Variants in CMIP observed in about 807,000 individuals in gnomAD.
CMIP encodes the protein C-Maf-inducing protein.
In CMIP, 13 loss-of-function variants were observed where a neutral mutation model predicts 97.3. The ratio of observed to expected loss-of-function variants is 0.13; its 90% confidence interval spans 0.09 to 0.21. The LOEUF (loss-of-function observed/expected upper bound fraction) is 0.21, where lower values mean the gene tolerates loss of function less well. Ranked by LOEUF, CMIP falls within the 10% of genes least tolerant of loss-of-function variation. CMIP has a pLI of 1.00. For missense variants in CMIP, 847 were observed against 1,024.9 expected (o/e 0.83, Z 2.37); for synonymous variants, 538 against 436.3 (o/e 1.23, Z -2.91).
chr16:81,577,367 A>C (rs1298310602), intron 1 of CMIP, among the ~76,000 whole-genome samples: 269 of 90,044 alleles, frequency 3.0e-3, no homozygotes, highest in Middle Eastern at 0.014. Flanking sequence ...CCACCATCAT[A>C]ACCATCACCT....
At chr16:81,493,751 A>G (rs1403656879) in intron 1 of CMIP, among the ~76,000 whole-genome samples, 1 of 152,256 alleles carries the variant, frequency 6.6e-6, no homozygotes, top group Non-Finnish European at 1.5e-5. Context: ...AGCAACACGC[A>G]CGTCGCAGAA....
At position 81,698,433 on chromosome 16, in the gene CMIP, C is replaced by T. The variant is rs150851871; in HGVS notation, c.1639-1252C>T. On this transcript the variant is annotated intron_variant, in intron 14 of 20. Transcript: ENST00000537098. ...CAGGCAGTCTCCCAAAACACCCTTC[C>T]GAGCTCACAGCGGGCTTGGCAGAGG... is the stretch of plus-strand genomic sequence containing the variant. Among the ~76,000 whole-genome samples the T allele has an allele frequency of 3.8e-3, 572 of 152,294 alleles. 1 individual carries two copies. Among genetic ancestry groups the T allele is most frequent in the African/African-American group, 0.013 (533 of 41,566 alleles).
intron 7 of CMIP, chr16:81,665,942 G>A (rs1029690938): frequency 3.3e-5 from 5 of 152,166 alleles, no homozygotes; most frequent in African/African-American, 9.7e-5. Context: ...TACCCTAAGC[G>A]ATTGCAAACT....
At chr16:81,578,418 A>C (rs74402264) in intron 1 of CMIP, among the ~76,000 whole-genome samples, 12 of 152,220 alleles carry the variant, frequency 7.9e-5, no homozygotes, top group Admixed American at 7.9e-4. Flanking sequence ...GCCCTGAGCT[A>C]TGTGAGTGCT....
intron 1 of CMIP, among the ~76,000 whole-genome samples, chr16:81,512,762 A>C (rs2089838067): frequency 6.6e-6 from 1 of 151,956 alleles, no homozygotes; most frequent in Admixed American, 6.6e-5. Flanking sequence ...TTTGAGACAG[A>C]GTCTTACTCT....
In CMIP at chr16:81,680,055, TG is replaced by T. The variant is rs1248711981; in HGVS notation, c.1388+1429del. Reference sequence around the variant, plus strand: ...TTCAGATGCAGCTGCATGTGGTTGCTGGACCTTTCGGAGGGGTTCGGGGTAT... The same window carrying T: ...TTCAGATGCAGCTGCATGTGGTTGCTGACCTTTCGGAGGGGTTCGGGGTAT... On this transcript the variant is annotated intron_variant, in intron 10 of 20. Coordinates refer to ENST00000537098, the MANE Select transcript of CMIP (RefSeq NM_198390.3). 2.6e-5 allele frequency among the ~76,000 whole-genome samples: 4 copies of T among 152,222 alleles called. No homozygotes were observed. The South Asian group carries it at 6.2e-4, about 24-fold the overall frequency.
At chr16:81,511,886 G>T (rs952555894) in intron 1 of CMIP, among the ~76,000 whole-genome samples, 7 of 152,098 alleles carry the variant, frequency 4.6e-5, no homozygotes, top group African/African-American at 1.7e-4. Flanking sequence ...GACCTGTGCT[G>T]TCCAATACCA....
At chr16:81,451,185 C>T (rs1240492312) in intron 1 of CMIP, among the ~76,000 whole-genome samples, 1 of 152,118 alleles carries the variant, frequency 6.6e-6, no homozygotes, top group East Asian at 1.9e-4. Flanking sequence ...GTGGGAGGGA[C>T]CCAGTGGGAG....
chr16:81,620,650 G>A (rs764069329), intron 2 of CMIP: 4 of 515,516 alleles, frequency 7.8e-6, no homozygotes, highest in East Asian at 3.4e-5. Context: ...GGAAGCACAC[G>A]GTGCTAGTGA....
chr16:81,480,465 G>T (rs113410801), intron 1 of CMIP, among the ~76,000 whole-genome samples: 1 of 152,116 alleles, frequency 6.6e-6, no homozygotes. Flanking sequence ...GCTTGAACCC[G>T]AGAGGCAGAG....
chr16:81,469,094 G>A (rs368943986), intron 1 of CMIP, among the ~76,000 whole-genome samples: 2 of 152,268 alleles, frequency 1.3e-5, no homozygotes, highest in Non-Finnish European at 1.5e-5. Context: ...GAGCTGATCA[G>A]GAGTGTGGGG....
At chr16:81,669,492 C>T (rs1026334020) in intron 7 of CMIP, among the ~76,000 whole-genome samples, 1 of 142,066 alleles carries the variant, frequency 7.0e-6, no homozygotes, top group Non-Finnish European at 1.5e-5. Flanking sequence ...TCTCTCACCT[C>T]CTTCCACATC....
rs953813203 is a variant in CMIP, at chr16:81,655,100, C to T, written c.640-2675C>T. Among the ~76,000 whole-genome samples, 2 of 152,184 alleles carry T rather than the reference C, an allele frequency of 1.3e-5. No homozygotes were observed. Among genetic ancestry groups the T allele is most frequent in the African/African-American group, 4.8e-5 (2 of 41,448 alleles). The stretch of plus-strand genomic sequence containing the variant: ...ACTTGCAAGGGCCTTTGATACATGG[C>T]CACATTTTCATTGTCATAGGAGATG... On this transcript the variant is annotated intron_variant, in intron 4 of 20. Coordinates refer to ENST00000537098, the MANE Select transcript of CMIP (RefSeq NM_198390.3). This position sits in a 1 kb window ranked among gnomAD's most constrained non-coding sequence, Gnocchi z 4.9.
chr16:81,605,410 C>T (rs1482187320), intron 1 of CMIP, among the ~76,000 whole-genome samples: 1 of 151,544 alleles, frequency 6.6e-6, no homozygotes, highest in African/African-American at 2.4e-5. Flanking sequence ...TCACCTGGAC[C>T]TGTGCAGCAG....
At chr16:81,523,986 T>A (rs1343458938) in intron 1 of CMIP, among the ~76,000 whole-genome samples, 2 of 152,198 alleles carry the variant, frequency 1.3e-5, no homozygotes, top group African/African-American at 2.4e-5. Context: ...CCTGTACGTG[T>A]GTATGTGTGC....
chr16:81,543,115 G>A (rs2090479453), intron 1 of CMIP, among the ~76,000 whole-genome samples: 1 of 152,234 alleles, frequency 6.6e-6, no homozygotes. Flanking sequence ...GGCACTGTGT[G>A]TCACTGCTTT....
At chr16:81,651,003 A>G (rs142790489) in intron 3 of CMIP, among the ~76,000 whole-genome samples, 2 of 152,262 alleles carry the variant, frequency 1.3e-5, no homozygotes, top group African/African-American at 4.8e-5. Flanking sequence ...TTCCTAGCTC[A>G]GAAACTCAGC....
At chr16:81,592,636 A>C (rs2091483505) in intron 1 of CMIP, among the ~76,000 whole-genome samples, 1 of 152,134 alleles carries the variant, frequency 6.6e-6, no homozygotes, top group Non-Finnish European at 1.5e-5. Context: ...GCAAGGCAGG[A>C]CTCAAAACAA....
intron 17 of CMIP, among the ~76,000 whole-genome samples, chr16:81,703,405 G>A (rs1188230035): frequency 6.6e-6 from 1 of 152,014 alleles, no homozygotes; most frequent in Non-Finnish European, 1.5e-5. Context: ...AGTTGAGTGT[G>A]GCCTCAGTGT....
Sources: allele counts gnomAD v4.1 joint callset (sites outside exome capture counted in the v4.1 genomes callset), GRCh38; gene constraint gnomAD v4.1.1; non-coding constraint Gnocchi (gnomAD v3.1); transcripts MANE v1.5; gene names NCBI Gene and HGNC (gene_info 2026-07-23, HGNC 2026-07-21).